PCNX2: variants seen among roughly 807,000 people sequenced by gnomAD.
PCNX2 encodes pecanex 2, also known as pecanex-like protein 2.
PCNX2 carries 168 observed loss-of-function variants against 223.8 expected under a neutral mutation model. The observed-to-expected ratio is 0.75, with a 90% CI of 0.66 to 0.85. PCNX2 has a LOEUF of 0.85. Ranked by LOEUF, PCNX2 falls within the 40% of genes least tolerant of loss-of-function variation. The pLI, the probability that PCNX2 is intolerant of heterozygous loss-of-function variation, is 0.00. For missense variants in PCNX2, 2,507 were observed against 2,675.5 expected, an observed-to-expected ratio of 0.94 and a Z score of 1.39; for synonymous variants, 1,006 against 1,052.6, an observed-to-expected ratio of 0.96 and a Z score of 0.86.
At chr1:233,221,138 A>G (rs701179) in intron 10 of PCNX2, among the ~76,000 whole-genome samples, 1 of 151,702 alleles carries the variant, frequency 6.6e-6, no homozygotes, top group African/African-American at 2.4e-5. Flanking sequence ...GAAAGATAAC[A>G]TAGAAATATA....
At chr1:233,299,013 A>T (rs1271128411), upstream of PCNX2, among the ~76,000 whole-genome samples, 1 of 152,178 alleles carries the variant, frequency 6.6e-6, no homozygotes, top group Non-Finnish European at 1.5e-5. Flanking sequence ...TTCAGCCCTA[A>T]CTTTTTCCTG....
chr1:233,104,038 A>G (rs1284591682), intron 21 of PCNX2, among the ~76,000 whole-genome samples: 1 of 152,166 alleles, frequency 6.6e-6, no homozygotes, highest in Non-Finnish European at 1.5e-5. Flanking sequence ...AGGGCTAGAA[A>G]CACAGTATTC....
intron 17 of PCNX2, among the ~76,000 whole-genome samples, chr1:233,170,107 T>C (rs1445516051): frequency 2.6e-5 from 4 of 152,324 alleles, no homozygotes; most frequent in Non-Finnish European, 5.9e-5. Context: ...AAGGTGCTAT[T>C]ATGAACAATT....
intron 10 of PCNX2, among the ~76,000 whole-genome samples, chr1:233,224,139 T>C (rs553241611): frequency 6.6e-6 from 1 of 152,310 alleles, no homozygotes; most frequent in Admixed American, 6.5e-5. Flanking sequence ...TTCATATTTG[T>C]TGAATGAATG....
intron 27 of PCNX2, 27 bp downstream of exon 27, chr1:233,016,894 G>A (rs1241856277): frequency 6.3e-7 from 1 of 1,585,044 alleles, no homozygotes; most frequent in African/African-American, 1.3e-5. Context: ...TACATTCCAT[G>A]CCTCAGCCCC....
chr1:233,004,764 A>C (rs1670219984), intron 28 of PCNX2, among the ~76,000 whole-genome samples: 1 of 152,202 alleles, frequency 6.6e-6, no homozygotes, highest in Non-Finnish European at 1.5e-5. Context: ...TTCAACGTGA[A>C]ATGTACCACT....
chr1:233,281,153 C>G (rs990400325), intron 1 of PCNX2, among the ~76,000 whole-genome samples: 1 of 152,196 alleles, frequency 6.6e-6, no homozygotes, highest in African/African-American at 2.4e-5. Context: ...AGCCAGACAA[C>G]TGTTTTCTGA....
intron 23 of PCNX2, among the ~76,000 whole-genome samples, chr1:233,083,406 G>T (rs568470064): frequency 6.6e-6 from 1 of 152,160 alleles, no homozygotes; most frequent in Non-Finnish European, 1.5e-5. Flanking sequence ...ACAAGGAGCC[G>T]ATTCAACTCA....
At chr1:233,244,506 T>C (rs192119841) in intron 8 of PCNX2, among the ~76,000 whole-genome samples, 23 of 152,158 alleles carry the variant, frequency 1.5e-4, no homozygotes, top group Non-Finnish European at 2.5e-4. Flanking sequence ...AGGCCACGAG[T>C]TCGAGACCAG....
At chr1:233,119,587 A>AC (rs1675641978) in intron 21 of PCNX2, among the ~76,000 whole-genome samples, 1 of 127,280 alleles carries the variant, frequency 7.9e-6, no homozygotes. Flanking sequence ...CTTGTCTCAA[A>AC]AAAAAAAAAA....
intron 1 of PCNX2, 99 bp from the exon 2 acceptor site, chr1:233,263,262 T>C: frequency 1.0e-6 from 1 of 992,004 alleles, no homozygotes; most frequent in East Asian, 2.7e-5. Flanking sequence ...GAATATAAAT[T>C]AGGCAAGATT....
At chr1:233,250,053 T>C (rs1465682501) in intron 8 of PCNX2, among the ~76,000 whole-genome samples, 9 of 152,136 alleles carry the variant, frequency 5.9e-5, no homozygotes, top group Non-Finnish European at 2.9e-5. Flanking sequence ...TCCTCAAATA[T>C]ACATATAATT....
rs760558404 is a variant in PCNX2, at chr1:233,200,186, T to C, written c.2942A>G (p.Glu981Gly). 6.3e-7 allele frequency: 1 copy of C among 1,593,782 alleles called. No homozygotes were observed. Among genetic ancestry groups the C allele is most frequent in the South Asian group, 1.1e-5 (1 of 87,180 alleles). ...ACCAAAAAACAGCATGTCAATTTGC[T>C]CCAAAAGATAAGTGCAGAAAGTGTT... is the stretch of plus-strand genomic sequence containing the variant. Reference protein sequence around the residue: ...QINTFCTYLLEQIDMLFFGGS... With the variant: ...QINTFCTYLLGQIDMLFFGGS... Residue 981 changes from glutamate (E) to glycine (G), a missense_variant, in exon 14 of 34, where the codon GAG (glutamate) becomes GGG (glycine). Transcript: ENST00000258229.
chr1:233,133,029 G>A (rs1188113399), intron 21 of PCNX2, among the ~76,000 whole-genome samples: 2 of 151,252 alleles, frequency 1.3e-5, no homozygotes, highest in East Asian at 2.0e-4. Flanking sequence ...CTCCTGAGTA[G>A]CTGAGGCTAC....
At chr1:233,042,813 T>C (rs1671688819) in intron 25 of PCNX2, among the ~76,000 whole-genome samples, 1 of 152,196 alleles carries the variant, frequency 6.6e-6, no homozygotes, top group South Asian at 2.1e-4. Flanking sequence ...CAAGGGGCTA[T>C]GCAAGTGACA....
intron 21 of PCNX2, among the ~76,000 whole-genome samples, chr1:233,115,620 T>C (rs1675363816): frequency 6.6e-6 from 1 of 152,144 alleles, no homozygotes; most frequent in South Asian, 2.1e-4. Context: ...AAAATGTAGT[T>C]TAGAGAACTA....
intron 25 of PCNX2, among the ~76,000 whole-genome samples, chr1:233,034,179 T>C (rs553246519): frequency 6.6e-6 from 1 of 152,260 alleles, no homozygotes; most frequent in Non-Finnish European, 1.5e-5. Context: ...GCCGCTGCCC[T>C]CCAGCCTGGT....
chr1:233,250,617 T>C (rs1659395619), intron 8 of PCNX2, 122 bp downstream of exon 8: 6 of 1,343,230 alleles, frequency 4.5e-6, no homozygotes, highest in Non-Finnish European at 5.7e-6. Context: ...CAAAACCACA[T>C]GCCTTAACAA....
intron 26 of PCNX2, among the ~76,000 whole-genome samples, chr1:233,020,594 C>CAGGCCA (rs1252254760): frequency 6.6e-6 from 1 of 152,216 alleles, no homozygotes; most frequent in East Asian, 1.9e-4. Context: ...GCCTGGCAGG[C>CAGGCCA]AGGCCAACCT....
Sources: allele counts gnomAD v4.1 joint callset (sites outside exome capture counted in the v4.1 genomes callset), GRCh38; gene constraint gnomAD v4.1.1; transcripts MANE v1.5; gene names NCBI Gene and HGNC (gene_info 2026-07-23, HGNC 2026-07-21).